CNTNAP2: variants seen among roughly 807,000 people sequenced by gnomAD.
CNTNAP2 encodes contactin-associated protein-like 2.
Under a neutral mutation model 155.2 loss-of-function variants are expected in CNTNAP2, and 98 were observed. That is an observed-to-expected ratio of 0.63 (90% CI 0.54 to 0.75). CNTNAP2 has a LOEUF of 0.75. CNTNAP2 is among the 30% of genes least tolerant of loss of function. The pLI is 0.00. For missense variants in CNTNAP2, 1,727 were observed against 1,688.1 expected (o/e 1.02, Z -0.40); for synonymous variants, 651 against 631.2 (o/e 1.03, Z -0.47).
intron 9 of CNTNAP2, among the ~76,000 whole-genome samples, chr7:147,331,514 C>T (rs1308391730): frequency 6.6e-6 from 1 of 151,952 alleles, no homozygotes. Flanking sequence ...CAAAACTGTA[C>T]ATATGAATGA....
chr7:146,756,688 T>C (rs1330110986), intron 1 of CNTNAP2, among the ~76,000 whole-genome samples: 1 of 152,024 alleles, frequency 6.6e-6, no homozygotes, highest in Non-Finnish European at 1.5e-5. Context: ...CAAGAATGCA[T>C]ATGAATGAGA....
intron 18 of CNTNAP2, among the ~76,000 whole-genome samples, chr7:148,183,079 T>G (rs533330314): frequency 6.6e-6 from 1 of 152,314 alleles, no homozygotes; most frequent in Admixed American, 6.5e-5. Flanking sequence ...TACGGGAACA[T>G]GTACAGAGAG....
At chr7:147,398,124 G>A (rs993918248) in intron 10 of CNTNAP2, among the ~76,000 whole-genome samples, 8 of 152,046 alleles carry the variant, frequency 5.3e-5, no homozygotes, top group Non-Finnish European at 1.2e-4. Context: ...AACCACTGAA[G>A]AGTGTATTGA....
At chr7:147,164,934 C>A (rs1326447567) in intron 8 of CNTNAP2, among the ~76,000 whole-genome samples, 1 of 152,076 alleles carries the variant, frequency 6.6e-6, no homozygotes, top group Non-Finnish European at 1.5e-5. Context: ...AAAATAATTT[C>A]TTTATACACT....
chr7:147,757,896 C>T (rs1797236049), intron 13 of CNTNAP2, among the ~76,000 whole-genome samples: 1 of 152,108 alleles, frequency 6.6e-6, no homozygotes, highest in Admixed American at 6.5e-5. Context: ...GGATTATTGT[C>T]TTTAGCTATC....
intron 13 of CNTNAP2, among the ~76,000 whole-genome samples, chr7:147,689,536 C>T (rs1019351602): frequency 2.0e-5 from 3 of 152,108 alleles, no homozygotes; most frequent in Non-Finnish European, 2.9e-5. Flanking sequence ...CACATTTGTC[C>T]GATTTCTTTC....
intron 17 of CNTNAP2, among the ~76,000 whole-genome samples, chr7:148,170,746 G>A (rs527363919): frequency 2.0e-5 from 3 of 152,312 alleles, no homozygotes; most frequent in South Asian, 2.1e-4. Context: ...GCAGGCATAA[G>A]CAGATGCTAA....
At chr7:148,391,694 TC>T (rs1348036192) in intron 22 of CNTNAP2, among the ~76,000 whole-genome samples, 1 of 152,238 alleles carries the variant, frequency 6.6e-6, no homozygotes, top group Non-Finnish European at 1.5e-5. Flanking sequence ...TTGTGTTTCT[TC>T]CTTTTTGTCT....
chr7:148,132,496 TTGTATA>T (rs1459803736), intron 16 of CNTNAP2, among the ~76,000 whole-genome samples: 3 of 152,122 alleles, frequency 2.0e-5, no homozygotes, highest in Admixed American at 6.5e-5. Flanking sequence ...AGACACCGCA[TTGTATA>T]TAGCACTCAC....
chr7:147,007,096 G>A (rs1382502285), intron 3 of CNTNAP2, among the ~76,000 whole-genome samples: 2 of 152,106 alleles, frequency 1.3e-5, no homozygotes, highest in African/African-American at 2.4e-5. Context: ...TGTTTCATTA[G>A]TATTTTAAAT....
chr7:146,848,298 A>C (rs1794801808), intron 3 of CNTNAP2, among the ~76,000 whole-genome samples: 2 of 152,230 alleles, frequency 1.3e-5, no homozygotes, highest in African/African-American at 4.8e-5. Context: ...AGAAGGTAGA[A>C]TTAGAATAAC....
intron 22 of CNTNAP2, among the ~76,000 whole-genome samples, chr7:148,387,925 A>G (rs1799254265): frequency 6.6e-6 from 1 of 152,028 alleles, no homozygotes; most frequent in Non-Finnish European, 1.5e-5. Context: ...TGGCAATGAG[A>G]TTGACTTCTG....
intron 1 of CNTNAP2, among the ~76,000 whole-genome samples, chr7:146,634,639 T>G (rs1404043485): frequency 6.6e-6 from 1 of 152,194 alleles, no homozygotes; most frequent in South Asian, 2.1e-4. Flanking sequence ...TGCCAGTCAT[T>G]AGACACTGAA....
At chr7:146,790,428 A>T (rs1802649503) in intron 2 of CNTNAP2, among the ~76,000 whole-genome samples, 2 of 152,208 alleles carry the variant, frequency 1.3e-5, no homozygotes, top group South Asian at 4.1e-4. Context: ...GAAGAGAAGT[A>T]TGAGTTTTAG....
At chr7:147,572,944 A>G (rs1800323097) in intron 12 of CNTNAP2, among the ~76,000 whole-genome samples, 1 of 152,130 alleles carries the variant, frequency 6.6e-6, no homozygotes, top group South Asian at 2.1e-4. Context: ...GTTTCATATC[A>G]GAATGTCCCT....
At chr7:148,216,437 A>G (rs546089969) in intron 18 of CNTNAP2, among the ~76,000 whole-genome samples, 2 of 152,330 alleles carry the variant, frequency 1.3e-5, no homozygotes, top group East Asian at 3.9e-4. Flanking sequence ...ACTTCAAGAC[A>G]TGTGATTGTA....
At chr7:148,148,882 A>G (rs955417351) in intron 17 of CNTNAP2, among the ~76,000 whole-genome samples, 1 of 152,260 alleles carries the variant, frequency 6.6e-6, no homozygotes, top group African/African-American at 2.4e-5. Flanking sequence ...ATTTAGAAAT[A>G]AAGTATTTCC....
intron 9 of CNTNAP2, among the ~76,000 whole-genome samples, chr7:147,349,804 CA>C (rs1251545577): frequency 6.6e-6 from 1 of 151,844 alleles, no homozygotes; most frequent in East Asian, 1.9e-4. Context: ...ATGATATTCC[CA>C]TTAACAAAAT....
intron 7 of CNTNAP2, among the ~76,000 whole-genome samples, chr7:147,130,722 T>C (rs1332210536): frequency 6.6e-6 from 1 of 152,098 alleles, no homozygotes; most frequent in Non-Finnish European, 1.5e-5. Flanking sequence ...GACTGAGCAC[T>C]CATTCTACCT....
Sources: allele counts gnomAD v4.1 joint callset (sites outside exome capture counted in the v4.1 genomes callset), GRCh38; gene constraint gnomAD v4.1.1; transcripts MANE v1.5; gene names NCBI Gene and HGNC (gene_info 2026-07-23, HGNC 2026-07-21).